Variants in SETBP1 observed in about 807,000 individuals in gnomAD.
The protein encoded by SETBP1 is SET binding protein 1.
A neutral mutation model predicts 101.0 loss-of-function variants in SETBP1; 9 were observed. The observed-to-expected ratio is 0.09, with a 90% confidence interval of 0.05 to 0.16. The LOEUF is 0.16. SETBP1 is among the 10% of genes least tolerant of loss of function. The pLI is 1.00. For synonymous variants in SETBP1, 818 were observed against 788.5 expected (o/e 1.04, Z -0.63); for missense variants, 1,858 against 2,033.8 (o/e 0.91, Z 1.66).
chr18:44,791,247 C>A (rs1200461826), intron 2 of SETBP1, among the ~76,000 whole-genome samples: 3 of 152,174 alleles, frequency 2.0e-5, no homozygotes, highest in African/African-American at 4.8e-5. Context: ...TGCCACTAAA[C>A]ACCCTCAAAT....
At position 44,950,117 on chromosome 18, in the gene SETBP1, C is replaced by T; in HGVS notation, c.777C>T (p.Ser259=). 2 of 1,614,082 alleles carry T rather than the reference C, an allele frequency of 1.2e-6. No individual in the cohort carries two copies. Among genetic ancestry groups the T allele is most frequent in the Non-Finnish European group, 1.7e-6 (2 of 1,180,050 alleles). ...SKIPALEPVA[S]FAKAQGKKGS... is the part of the protein sequence containing the mutation. ...TCCCCGCTCTTGAGCCCGTGGCTTCCTTTGCAAAGGCCCAGGGTAAGAAAG... is the reference window on the plus strand; with the variant it reads ...TCCCCGCTCTTGAGCCCGTGGCTTCTTTTGCAAAGGCCCAGGGTAAGAAAG... Residue 259 remains serine (S), a synonymous_variant, in exon 4 of 6, where the codon TCC becomes TCT. Coordinates refer to ENST00000649279, the MANE Select transcript of SETBP1 (RefSeq NM_015559.3).
At chr18:44,732,481 G>A (rs1288633114) in intron 2 of SETBP1, 1 of 152,136 alleles carries the variant, frequency 6.6e-6, no homozygotes, top group Admixed American at 6.5e-5. Flanking sequence ...AAAACAAGAC[G>A]TTAGTGCTAT....
chr18:44,811,838 A>T (rs2071868444), intron 2 of SETBP1, among the ~76,000 whole-genome samples: 1 of 152,178 alleles, frequency 6.6e-6, no homozygotes, highest in South Asian at 2.1e-4. Flanking sequence ...CCCCATAGAG[A>T]TCAGAATTCT....
intron 4 of SETBP1, among the ~76,000 whole-genome samples, chr18:45,013,916 C>T (rs975587483): frequency 6.6e-6 from 1 of 152,158 alleles, no homozygotes; most frequent in African/African-American, 2.4e-5. Context: ...ATGTGGTGTC[C>T]AAGACACTTG....
At chr18:44,731,239 G>A (rs1352744345) in intron 2 of SETBP1, among the ~76,000 whole-genome samples, 1 of 152,180 alleles carries the variant, frequency 6.6e-6, no homozygotes, top group Non-Finnish European at 1.5e-5. Flanking sequence ...ATGACCCTCA[G>A]CATTTCCAAA....
rs917049243 is a variant in SETBP1, at chr18:44,725,742, C to T, written c.486+23910C>T. 4.6e-5 allele frequency among the ~76,000 whole-genome samples: 7 copies of T among 152,208 alleles called. No homozygotes were observed. In the East Asian group the frequency reaches 9.6e-4, roughly 21 times the overall value. ...CCCCCTCGGCCCCCTGACTTCCCAGCGGCTCTGGGTGTGCTGTCACCTCTT... is the reference window on the plus strand; with the variant it reads ...CCCCCTCGGCCCCCTGACTTCCCAGTGGCTCTGGGTGTGCTGTCACCTCTT... On this transcript the variant is annotated intron_variant, in intron 2 of 5. Coordinates refer to ENST00000649279, the MANE Select transcript of SETBP1 (RefSeq NM_015559.3).
In SETBP1 at chr18:45,066,965, G is replaced by A. The variant is rs1205957401; in HGVS notation, c.*3267G>A. 6.6e-6 allele frequency: 1 copy of A among 152,094 alleles called. No individual in the cohort carries two copies. The highest frequency in any genetic ancestry group is 6.5e-5 in the Admixed American group (1 of 15,278). 9.4% of individuals were successfully genotyped at this position (152,094 alleles called of 1,614,324 possible). A position where few individuals can be genotyped will look rare whatever the true frequency, so the allele number is the denominator to read the frequency against. On this transcript the variant is annotated 3_prime_UTR_variant, in exon 6 of 6. Transcript: ENST00000649279. Reference sequence around the variant, plus strand: ...CTCTTCCACCCCTCATCTCAAATGAGAGGAGCAGAAGTTTAACTTCCTCAA... The same window carrying A: ...CTCTTCCACCCCTCATCTCAAATGAAAGGAGCAGAAGTTTAACTTCCTCAA...
At chr18:44,834,175 A>G (rs770422941) in intron 2 of SETBP1, among the ~76,000 whole-genome samples, 1 of 152,094 alleles carries the variant, frequency 6.6e-6, no homozygotes, top group Non-Finnish European at 1.5e-5. Context: ...ATCTCCAAGG[A>G]TGGTTCAGCT....
chr18:44,904,198 CT>C (rs1205150117), intron 3 of SETBP1, among the ~76,000 whole-genome samples: 3 of 152,128 alleles, frequency 2.0e-5, no homozygotes, highest in Non-Finnish European at 2.9e-5. Context: ...GACACTATCG[CT>C]TTTTCAAAAA....
chr18:44,996,929 G>A (rs1266478193), intron 4 of SETBP1, among the ~76,000 whole-genome samples: 2 of 152,174 alleles, frequency 1.3e-5, no homozygotes, highest in South Asian at 2.1e-4. Context: ...CAGTGAGATG[G>A]GTACAGGCAG....
chr18:44,928,210 C>T (rs994982438), intron 3 of SETBP1, among the ~76,000 whole-genome samples: 3 of 152,132 alleles, frequency 2.0e-5, no homozygotes, highest in African/African-American at 7.2e-5. Flanking sequence ...ATAGTTTGCT[C>T]AGAATGATGG....
chr18:44,895,257 G>A (rs1437379225), intron 3 of SETBP1, among the ~76,000 whole-genome samples: 1 of 78,092 alleles, frequency 1.3e-5, no homozygotes, highest in African/African-American at 4.9e-5. Flanking sequence ...AGGGAGGGAG[G>A]AAGGAAGGGG....
intron 2 of SETBP1, among the ~76,000 whole-genome samples, chr18:44,790,270 G>A (rs930448301): frequency 4.6e-5 from 7 of 151,978 alleles, no homozygotes; most frequent in Non-Finnish European, 8.8e-5. Context: ...CAAACTGTTC[G>A]TCAAGAAGTA....
In SETBP1 at chr18:44,812,110, C is replaced by T. The variant is rs937608821; in HGVS notation, c.487-57120C>T. Among the ~76,000 whole-genome samples, 6 of 152,026 alleles carry T rather than the reference C, an allele frequency of 3.9e-5. No homozygotes were observed. In the East Asian group the frequency reaches 5.8e-4, roughly 15 times the overall value. ...GGAGGTAGTATTGGTATGGGGCTCT[C>T]ATGAGGAGACTCTCATGAGGAGAGC... On this transcript the variant is annotated intron_variant, in intron 2 of 5. Coordinates refer to ENST00000649279, the MANE Select transcript of SETBP1 (RefSeq NM_015559.3).
At chr18:44,722,922 T>G (rs1168114471) in intron 2 of SETBP1, among the ~76,000 whole-genome samples, 2 of 152,214 alleles carry the variant, frequency 1.3e-5, no homozygotes, top group Non-Finnish European at 2.9e-5. Context: ...TGTAATAGGA[T>G]TAGAATCTAG....
chr18:45,011,053 C>A (rs2072827981), intron 4 of SETBP1, among the ~76,000 whole-genome samples: 1 of 152,030 alleles, frequency 6.6e-6, no homozygotes, highest in Non-Finnish European at 1.5e-5. Flanking sequence ...TGTGGGGATG[C>A]CAAAGAAATA....
At chr18:44,825,212 A>G (rs1318841022) in intron 2 of SETBP1, among the ~76,000 whole-genome samples, 1 of 152,218 alleles carries the variant, frequency 6.6e-6, no homozygotes, top group African/African-American at 2.4e-5. Flanking sequence ...TACAAGTGTA[A>G]TAAAAATTCA....
At chr18:44,735,910 C>T (rs1318079056) in intron 2 of SETBP1, among the ~76,000 whole-genome samples, 3 of 152,166 alleles carry the variant, frequency 2.0e-5, no homozygotes, top group Non-Finnish European at 4.4e-5. Flanking sequence ...CAGTTTCAGC[C>T]TGAGGAACAT....
chr18:44,836,725 A>T (rs985293425), intron 2 of SETBP1, among the ~76,000 whole-genome samples: 28 of 152,204 alleles, frequency 1.8e-4, no homozygotes, highest in Admixed American at 8.5e-4. Flanking sequence ...CTCCACAGTG[A>T]TGAACTTACC....
Sources: gnomAD v4.1 joint callset for allele counts (sites outside exome capture counted in the v4.1 genomes callset) on GRCh38, gnomAD v4.1.1 for gene constraint, MANE v1.5 for transcripts, NCBI Gene and HGNC (gene_info 2026-07-23, HGNC 2026-07-21) for gene names.